The following SORCS3 variants were observed in gnomAD, a reference collection of about 807,000 sequenced individuals.
SORCS3 encodes the protein sortilin related VPS10 domain containing receptor 3, also known as VPS10 domain-containing receptor SorCS3.
In SORCS3, 57 loss-of-function variants were observed where a neutral mutation model predicts 146.3. The ratio of observed to expected loss-of-function variants is 0.39; its 90% CI spans 0.31 to 0.49. SORCS3 has a LOEUF of 0.49. Ranked by LOEUF, SORCS3 falls within the 20% of genes least tolerant of loss-of-function variation. The pLI is 0.92. For missense variants in SORCS3, 1,341 were observed against 1,575.5 expected, an observed-to-expected ratio of 0.85 and a Z score of 2.52; for synonymous variants, 653 against 618.5, an observed-to-expected ratio of 1.06 and a Z score of -0.83.
At chr10:104,775,531 G>A (rs2017298706) in intron 1 of SORCS3, among the ~76,000 whole-genome samples, 1 of 152,182 alleles carries the variant, frequency 6.6e-6, no homozygotes, top group African/African-American at 2.4e-5. Context: ...GAGATGATAT[G>A]TTCAGCTCAC....
At chr10:104,755,125 A>G (rs189788777) in intron 1 of SORCS3, among the ~76,000 whole-genome samples, 58 of 152,342 alleles carry the variant, frequency 3.8e-4, no homozygotes, top group African/African-American at 1.3e-3. Context: ...TTAGTTTGTA[A>G]TAGGGAGGAG....
At chr10:104,755,245 G>A (rs551613584) in intron 1 of SORCS3, among the ~76,000 whole-genome samples, 2 of 152,176 alleles carry the variant, frequency 1.3e-5, no homozygotes, top group African/African-American at 4.8e-5. Context: ...TCATACAGCT[G>A]TTCTGCAAGG....
intron 13 of SORCS3, among the ~76,000 whole-genome samples, chr10:105,175,121 C>T (rs770259041): frequency 7.9e-5 from 12 of 152,122 alleles, no homozygotes; most frequent in African/African-American, 2.7e-4. Context: ...AATCTCGGCT[C>T]GCTGCAACCT....
intron 23 of SORCS3, 103 bp from the exon 24 acceptor site, chr10:105,255,599 C>A (rs924137233): frequency 2.7e-5 from 20 of 727,804 alleles, no homozygotes; most frequent in Admixed American, 1.6e-4. Flanking sequence ...CTAATTGAAC[C>A]ATGGTGACTT....
chr10:104,785,162 T>C (rs2017419473), intron 1 of SORCS3, among the ~76,000 whole-genome samples: 1 of 150,066 alleles, frequency 6.7e-6, no homozygotes, highest in African/African-American at 2.4e-5. Flanking sequence ...GGGGAAAAGA[T>C]TGAGAAATCG....
chr10:105,058,575 A>G (rs935314148), intron 5 of SORCS3, among the ~76,000 whole-genome samples: 10 of 152,230 alleles, frequency 6.6e-5, no homozygotes, highest in African/African-American at 2.4e-4. Flanking sequence ...AAGAAACTCA[A>G]CAGGTTAGGG....
At chr10:105,176,269 G>A (rs2056400836) in intron 13 of SORCS3, among the ~76,000 whole-genome samples, 1 of 152,120 alleles carries the variant, frequency 6.6e-6, no homozygotes, top group African/African-American at 2.4e-5. Flanking sequence ...GTTAGGCTGG[G>A]CATGGTGGCT....
rs990027044 is a variant in SORCS3, at chr10:105,157,080, C to T, written c.1483-58C>T. On this transcript the variant is annotated intron_variant, in intron 9 of 26. Transcript: ENST00000369701. ...TTCTGCGGCTTCTCTAAGGGCTTCT[C>T]CAAGACCAAAGGCATGTTGGCCCAG... is the stretch of plus-strand genomic sequence containing the variant. 12 of 1,596,160 alleles carry T rather than the reference C, an allele frequency of 7.5e-6. No homozygotes were observed. In the Admixed American group the frequency reaches 2.0e-4, roughly 27 times the overall value.
At chr10:104,805,742 A>G (rs2017673228) in intron 1 of SORCS3, among the ~76,000 whole-genome samples, 1 of 152,114 alleles carries the variant, frequency 6.6e-6, no homozygotes. Context: ...CCTGCCTTCA[A>G]TTCCTGTCAT....
intron 7 of SORCS3, among the ~76,000 whole-genome samples, chr10:105,106,548 G>T: frequency 6.6e-6 from 1 of 152,150 alleles, no homozygotes; most frequent in East Asian, 1.9e-4. Context: ...ACACACAGTT[G>T]ACCCCTCTCC....
chr10:105,229,749 T>C (rs1018681483), intron 20 of SORCS3, among the ~76,000 whole-genome samples: 1 of 152,146 alleles, frequency 6.6e-6, no homozygotes, highest in African/African-American at 2.4e-5. Flanking sequence ...GTAGCAGCAG[T>C]GGGCTGATTA....
intron 2 of SORCS3, among the ~76,000 whole-genome samples, chr10:104,905,130 G>A (rs970798783): frequency 9.9e-5 from 15 of 152,192 alleles, no homozygotes; most frequent in African/African-American, 3.4e-4. Flanking sequence ...AGTCAGTGTA[G>A]AATGTAGGAT....
chr10:104,824,215 C>A (rs1056404842), intron 1 of SORCS3, among the ~76,000 whole-genome samples: 2 of 152,190 alleles, frequency 1.3e-5, no homozygotes, highest in Non-Finnish European at 2.9e-5. Flanking sequence ...AGAAAATTTA[C>A]ACACCTGGTA....
In SORCS3 at chr10:104,727,990, G is replaced by T. The variant is rs188438578; in HGVS notation, c.627+86036G>T. Among the ~76,000 whole-genome samples, 5 of 152,078 alleles carry T rather than the reference G, an allele frequency of 3.3e-5. No homozygotes were observed. The South Asian group carries it at 6.3e-4, about 19-fold the overall frequency. ...AAAACCGGTCCCTGGTGCCAAAAAGGTTGGGGACCACTGCTTTATATATAT... is the reference window on the plus strand; with the variant it reads ...AAAACCGGTCCCTGGTGCCAAAAAGTTTGGGGACCACTGCTTTATATATAT... On this transcript the variant is annotated intron_variant, in intron 1 of 26. Transcript: ENST00000369701.
chr10:104,866,290 T>A (rs1370592980), intron 2 of SORCS3, among the ~76,000 whole-genome samples: 1 of 152,156 alleles, frequency 6.6e-6, no homozygotes, highest in Non-Finnish European at 1.5e-5. Flanking sequence ...GTAAAAGACA[T>A]GTAAAGAGAT....
intron 1 of SORCS3, among the ~76,000 whole-genome samples, chr10:104,837,142 G>A (rs561925765): frequency 5.9e-5 from 9 of 152,168 alleles, no homozygotes; most frequent in African/African-American, 1.9e-4. Flanking sequence ...TACCTGCCAT[G>A]TGTCAGCCGT....
chr10:104,646,273 G>A (rs2015494683), intron 1 of SORCS3, among the ~76,000 whole-genome samples: 2 of 152,154 alleles, frequency 1.3e-5, no homozygotes, highest in Admixed American at 1.3e-4. Context: ...TCCTTAATTG[G>A]GAGGCCTGAT....
Position 105,020,130 on chromosome 10 carries a change from AT to A in SORCS3, c.955-22922del, listed in dbSNP as rs1171705176. ...CACTCTCTAGGAAATCCACTGTCTC[AT>A]TTCCAAGACCTAGTGGCCGTGGTCT... is the stretch of plus-strand genomic sequence containing the variant. On this transcript the variant is annotated intron_variant, in intron 4 of 26. Coordinates refer to ENST00000369701, the MANE Select transcript of SORCS3 (RefSeq NM_014978.3). Among the ~76,000 whole-genome samples, 6 of 152,152 alleles carry A rather than the reference AT, an allele frequency of 3.9e-5. No homozygotes were observed. In the East Asian group the frequency reaches 1.2e-3, roughly 29 times the overall value.
At chr10:104,862,886 T>G (rs1392025406) in intron 2 of SORCS3, among the ~76,000 whole-genome samples, 1 of 152,236 alleles carries the variant, frequency 6.6e-6, no homozygotes, top group Admixed American at 6.5e-5. Flanking sequence ...TTTTTAAGAT[T>G]GAAGAGTTCC....
Sources: gnomAD v4.1 joint callset for allele counts (sites outside exome capture counted in the v4.1 genomes callset) on GRCh38, gnomAD v4.1.1 for gene constraint, MANE v1.5 for transcripts, NCBI Gene and HGNC (gene_info 2026-07-23, HGNC 2026-07-21) for gene names.